The following SLC10A1 variants were observed in gnomAD, a reference collection of about 807,000 sequenced individuals.
SLC10A1 encodes the protein hepatic sodium/bile acid cotransporter.
Under a neutral mutation model 20.5 loss-of-function variants are expected in SLC10A1, and 36 were observed. The observed-to-expected ratio is 1.75, with a 90% confidence interval of 1.34 to 2.32. SLC10A1 has a LOEUF of 2.32. Ranked by LOEUF, SLC10A1 falls within the 30% of genes most tolerant of loss-of-function variation. SLC10A1 has a pLI of 0.00. For synonymous variants in SLC10A1, 188 were observed against 163.6 expected, an observed-to-expected ratio of 1.15 and a Z score of -1.14; for missense variants, 545 against 439.1, an observed-to-expected ratio of 1.24 and a Z score of -2.16.
chr14:69,795,093 A>T (rs968339315), intron 1 of SLC10A1, among the ~76,000 whole-genome samples: 1 of 152,010 alleles, frequency 6.6e-6, no homozygotes, highest in Non-Finnish European at 1.5e-5. Flanking sequence ...ATTCAGATAT[A>T]CTCTAGGATT....
chr14:69,784,403 A>G (rs574627628), intron 2 of SLC10A1, among the ~76,000 whole-genome samples: 3 of 152,318 alleles, frequency 2.0e-5, no homozygotes, highest in East Asian at 1.9e-4. Flanking sequence ...TGGGAGACCA[A>G]GGAGAGAAGA....
chr14:69,780,290 C>G (rs886345180), intron 2 of SLC10A1, among the ~76,000 whole-genome samples: 4 of 152,158 alleles, frequency 2.6e-5, no homozygotes, highest in Non-Finnish European at 4.4e-5. Flanking sequence ...TTTGTACTTT[C>G]CAGTGTGCAT....
rs1219820970 is a variant in SLC10A1, at chr14:69,777,599, TTTTTTTA to T, written c.943+727_943+733del. On this transcript the variant is annotated intron_variant, in intron 4 of 4. Transcript: ENST00000216540. ...TCCTGTTTTTTTTTTTTTTTTTTTTTTTTTTTAAAATTGGTGTTAAAGTGCACTTTGA... is the reference window on the plus strand; with the variant it reads ...TCCTGTTTTTTTTTTTTTTTTTTTTTAAATTGGTGTTAAAGTGCACTTTGA... 1.8e-3 allele frequency among the ~76,000 whole-genome samples: 172 copies of T among 96,790 alleles called. 13 individuals carry two copies. Among genetic ancestry groups the T allele is most frequent in the Non-Finnish European group, 9.6e-4 (49 of 51,222 alleles). 63.5% of individuals were successfully genotyped at this position (96,790 alleles called of 152,430 possible).
intron 2 of SLC10A1, among the ~76,000 whole-genome samples, chr14:69,781,291 G>C (rs921638426): frequency 2.0e-5 from 3 of 152,204 alleles, no homozygotes; most frequent in African/African-American, 7.2e-5. Context: ...GTGGCCCCGG[G>C]TAGTTGCTTC....
At position 69,779,215 on chromosome 14, in the gene SLC10A1, T is replaced by G; in HGVS notation, c.713A>C (p.Tyr238Ser). 1 of 1,609,504 alleles carries G rather than the reference T, an allele frequency of 6.2e-7. No homozygotes were observed. The highest frequency in any genetic ancestry group is 8.5e-7 in the Non-Finnish European group (1 of 1,179,092). Reference sequence around the variant, plus strand: ...GAGGCAGAAGAGAGCAGAGAGAACATAACCCAGCAGAAAGCCAATAAAAGG... The same window carrying G: ...GAGGCAGAAGAGAGCAGAGAGAACAGAACCCAGCAGAAAGCCAATAAAAGG... ...LMPFIGFLLG[Y>S]VLSALFCLNG... Residue 238 changes from tyrosine (Y) to serine (S), a missense_variant, in exon 3 of 5, where the codon TAT (tyrosine) becomes TCT (serine). Coordinates refer to ENST00000216540, the MANE Select transcript of SLC10A1 (RefSeq NM_003049.4).
intron 2 of SLC10A1, among the ~76,000 whole-genome samples, chr14:69,785,498 A>G (rs1397489793): frequency 2.0e-5 from 3 of 151,242 alleles, no homozygotes; most frequent in African/African-American, 4.9e-5. Context: ...TCCAGCCCTC[A>G]CTGTTCCCAT....
At chr14:69,777,951 A>G (rs1014725482) in intron 4 of SLC10A1, among the ~76,000 whole-genome samples, 2 of 151,918 alleles carry the variant, frequency 1.3e-5, no homozygotes, top group African/African-American at 2.4e-5. Flanking sequence ...GGAAATGAGA[A>G]CCTAGTCCTG....
Position 69,786,342 on chromosome 14 carries a change from G to T in SLC10A1, c.357-35C>A, listed in dbSNP as rs763077550. The T allele has an allele frequency of 3.3e-6, 5 of 1,515,712 alleles. No individual in the cohort carries two copies. In the South Asian group the frequency reaches 5.6e-5, roughly 17 times the overall value. The allele number at this position is 1,515,712 out of a possible 1,614,324, so 93.9% of individuals were successfully genotyped here. A position where few individuals can be genotyped will look rare whatever the true frequency, so the allele number is the denominator to read the frequency against. On this transcript the variant is annotated intron_variant, in intron 1 of 4. Transcript: ENST00000216540. The stretch of plus-strand genomic sequence containing the variant: ...GACATGGGAAGAGGGGAGAGAGAGA[G>T]AGCCCATAAATACAGACTATTTTGT...
At chr14:69,787,199 C>G (rs563750058) in intron 1 of SLC10A1, among the ~76,000 whole-genome samples, 1 of 84,754 alleles carries the variant, frequency 1.2e-5, no homozygotes, top group Admixed American at 1.2e-4. Context: ...AATTATGACA[C>G]TCAGAGCCTG....
At chr14:69,795,118 G>A (rs1882363943) in intron 1 of SLC10A1, among the ~76,000 whole-genome samples, 1 of 152,170 alleles carries the variant, frequency 6.6e-6, no homozygotes, top group African/African-American at 2.4e-5. Context: ...GGACACACAG[G>A]CTGCCATGAG....
intron 2 of SLC10A1, among the ~76,000 whole-genome samples, chr14:69,779,659 C>T (rs1379509445): frequency 6.6e-6 from 1 of 152,088 alleles, no homozygotes; most frequent in Admixed American, 6.6e-5. Context: ...GCCACTGCAC[C>T]CAGCCCATCT....
At chr14:69,795,454 G>A (rs375462006) in intron 1 of SLC10A1, among the ~76,000 whole-genome samples, 5 of 146,180 alleles carry the variant, frequency 3.4e-5, no homozygotes, top group African/African-American at 1.3e-4. Context: ...TGCCCAGGCT[G>A]GAGTGCAGTG....
In SLC10A1 at chr14:69,797,102, A is replaced by C; in HGVS notation, c.54T>G (p.Phe18Leu). 1 of 1,614,028 alleles carries C rather than the reference A, an allele frequency of 6.2e-7. No homozygotes were observed. Among genetic ancestry groups the C allele is most frequent in the Non-Finnish European group, 8.5e-7 (1 of 1,180,014 alleles). The change falls in exon 1 of 5, where the codon TTT (phenylalanine) becomes TTG (leucine). Residue 18 changes from phenylalanine to leucine, a missense_variant. Transcript: ENST00000216540. ...APFNFTLPPNFGKRPTDLALS... is the reference protein window; with the variant it reads ...APFNFTLPPNLGKRPTDLALS... ...GTGCCAGGTCTGTGGGGCGCTTGCC[A>C]AAGTTGGGTGGCAGGGTGAAGTTGA...
Position 69,786,165 on chromosome 14 carries a change from G to A in SLC10A1, c.499C>T (p.Leu167Phe), listed in dbSNP as rs1301217298. ...KGIVISLVLV[L>F]IPCTIGIVLK... ...ACGATCCCTATGGTGCAAGGAATGA[G>A]AACCAGGACCAGTGATATCACGATG... Residue 167 changes from leucine to phenylalanine, a missense_variant, in exon 2 of 5, where the codon CTC (leucine) becomes TTC (phenylalanine). Transcript: ENST00000216540. 1 of 1,614,142 alleles carries A rather than the reference G, an allele frequency of 6.2e-7. No individual in the cohort carries two copies. The highest frequency in any genetic ancestry group is 8.5e-7 in the Non-Finnish European group (1 of 1,180,020).
intron 2 of SLC10A1, among the ~76,000 whole-genome samples, chr14:69,782,377 C>T (rs1040159502): frequency 1.3e-5 from 2 of 152,166 alleles, no homozygotes; most frequent in Admixed American, 1.3e-4. Context: ...AGTGAATGTG[C>T]AACACAACAG....
chr14:69,791,952 A>C (rs999335142), intron 1 of SLC10A1, among the ~76,000 whole-genome samples: 2 of 151,586 alleles, frequency 1.3e-5, no homozygotes, highest in Non-Finnish European at 2.9e-5. Context: ...GTAGACAGTA[A>C]ATTTTTTTTT....
In SLC10A1 at chr14:69,776,038, T is replaced by G. The variant is rs191086561; in HGVS notation, c.*244A>C. 6.2e-5 allele frequency: 30 copies of G among 480,154 alleles called. No individual in the cohort carries two copies. The highest frequency in any genetic ancestry group is 4.2e-4 in the Admixed American group (11 of 26,498). 29.7% of individuals were successfully genotyped at this position (480,154 alleles called of 1,614,324 possible). A position where few individuals can be genotyped will look rare whatever the true frequency, so the allele number is the denominator to read the frequency against. ...GAGGCAGATTCGGTTTCTGGTTTCA[T>G]AGAGTTTACAGTCACTGAACAAGTC... On this transcript the variant is annotated 3_prime_UTR_variant, in exon 5 of 5. Transcript: ENST00000216540.
Position 69,778,318 on chromosome 14 carries a change from A to G in SLC10A1, c.943+15T>C, listed in dbSNP as rs772595706. On this transcript the variant is annotated intron_variant, in intron 4 of 4. Transcript: ENST00000216540. ...TTGGAGCAGAACTTGAAGTGGGGATAATTTCAGTACTCACCCTTGGGAGTC... is the reference window on the plus strand; with the variant it reads ...TTGGAGCAGAACTTGAAGTGGGGATGATTTCAGTACTCACCCTTGGGAGTC... 1.3e-6 allele frequency: 2 copies of G among 1,563,076 alleles called. No homozygotes were observed. The highest frequency in any genetic ancestry group is 1.2e-5 in the South Asian group (1 of 82,198).
chr14:69,786,591 G>A (rs1883720580), intron 1 of SLC10A1, among the ~76,000 whole-genome samples: 1 of 152,156 alleles, frequency 6.6e-6, no homozygotes, highest in South Asian at 2.1e-4. Context: ...GTGCTTCATT[G>A]TGGAAGGAGC....
Sources: allele counts gnomAD v4.1 joint callset (sites outside exome capture counted in the v4.1 genomes callset), GRCh38; gene constraint gnomAD v4.1.1; transcripts MANE v1.5; gene names NCBI Gene and HGNC (gene_info 2026-07-23, HGNC 2026-07-21).